MEI1: variants seen among roughly 807,000 people sequenced by gnomAD.
MEI1 encodes meiotic double-stranded break formation protein 1.
In MEI1, 103 loss-of-function variants were observed where a neutral mutation model predicts 146.2. That is an observed-to-expected ratio of 0.70 (90% CI 0.60 to 0.83). The LOEUF (loss-of-function observed/expected upper bound fraction) is 0.83, where lower values mean the gene tolerates loss of function less well. Ranked by LOEUF, MEI1 falls within the 40% of genes least tolerant of loss-of-function variation. The probability of loss-of-function intolerance (pLI) is 0.00; values close to 1 mark genes in which losing one functional copy is unlikely to be tolerated. For missense variants in MEI1, 1,529 were observed against 1,533.0 expected, an observed-to-expected ratio of 1.00 and a Z score of 0.04; for synonymous variants, 652 against 628.2, an observed-to-expected ratio of 1.04 and a Z score of -0.57.
Position 41,763,334 on chromosome 22 carries a change from A to G in MEI1, c.2268+13A>G, listed in dbSNP as rs778564853. ...TACACTACGTGAGGTATGGACCACAATGCCTGGGCTCCTTGTCCTTCTGTA... is the reference window on the plus strand; with the variant it reads ...TACACTACGTGAGGTATGGACCACAGTGCCTGGGCTCCTTGTCCTTCTGTA... On this transcript the variant is annotated intron_variant, in intron 19 of 30. Coordinates refer to ENST00000401548, the MANE Select transcript of MEI1 (RefSeq NM_152513.4). 2.5e-6 allele frequency: 4 copies of G among 1,612,808 alleles called. No individual in the cohort carries two copies. Among genetic ancestry groups the G allele is most frequent in the East Asian group, 2.2e-5 (1 of 44,856 alleles).
rs1336125669 is a variant in MEI1 at position 41,778,793 on chromosome 22, C to T, written c.2796C>T (p.Ala932=). ...NVSEQELDSV[A]MKLLHQVSKL... ...CAGAGCAAGAACTGGACAGCGTGGC[C>T]ATGAAGCTCCTTCACCAAGGTGCCC... is the stretch of plus-strand genomic sequence containing the variant. The change falls in exon 22 of 31, where the codon GCC becomes GCT. Residue 932 remains alanine, a synonymous_variant. Transcript: ENST00000401548. 6.2e-7 allele frequency: 1 copy of T among 1,604,990 alleles called. No individual in the cohort carries two copies. The highest frequency in any genetic ancestry group is 1.3e-5 in the African/African-American group (1 of 74,730).
chr22:41,794,141 G>A (rs2076285729), intron 27 of MEI1, among the ~76,000 whole-genome samples: 1 of 152,224 alleles, frequency 6.6e-6, no homozygotes, highest in African/African-American at 2.4e-5. Flanking sequence ...TTAAGTGGCA[G>A]AGCCCTTCTT....
At chr22:41,723,289 T>C (rs2071031331) in intron 6 of MEI1, among the ~76,000 whole-genome samples, 1 of 152,172 alleles carries the variant, frequency 6.6e-6, no homozygotes. Flanking sequence ...CTCAGTTCAC[T>C]GCAACCTGTG....
intron 11 of MEI1, among the ~76,000 whole-genome samples, chr22:41,740,454 T>C (rs1248058945): frequency 6.6e-6 from 1 of 152,018 alleles, no homozygotes; most frequent in Non-Finnish European, 1.5e-5. Context: ...AAAAAGAATT[T>C]AAAGAGGCCG....
At position 41,699,638 on chromosome 22, in the gene MEI1, C is replaced by A; in HGVS notation, c.100C>A (p.Arg34Ser). Reference sequence around the variant, plus strand: ...GAGGGCCCATTACCGGCACGACCCGCGCTGGCTGCTGCCCGTGACCCCCCG... The same window carrying A: ...GAGGGCCCATTACCGGCACGACCCGAGCTGGCTGCTGCCCGTGACCCCCCG... The part of the protein sequence containing the change: ...FERAHYRHDP[R>S]WLLPVTPRLC... Residue 34 changes from arginine (R) to serine (S), a missense_variant, in exon 1 of 31, where the codon CGC becomes AGC. Physicochemically the swap from Arg to Ser is moderately radical, Grantham distance 110. Coordinates refer to ENST00000401548, the MANE Select transcript of MEI1 (RefSeq NM_152513.4). 1.9e-6 allele frequency: 3 copies of A among 1,604,652 alleles called. No individual in the cohort carries two copies. Among genetic ancestry groups the A allele is most frequent in the Non-Finnish European group, 2.6e-6 (3 of 1,176,122 alleles).
At chr22:41,753,651 G>A (rs2073918703) in intron 16 of MEI1, 1 of 204,904 alleles carries the variant, frequency 4.9e-6, no homozygotes, top group Admixed American at 5.5e-5. Context: ...GGCTAATTTT[G>A]TATTTTTAGT....
intron 11 of MEI1, among the ~76,000 whole-genome samples, chr22:41,735,621 C>A (rs1255563508): frequency 6.6e-6 from 1 of 152,106 alleles, no homozygotes; most frequent in Non-Finnish European, 1.5e-5. Context: ...ATACAGAGGG[C>A]CAAATTATAC....
rs1569277472 is a variant in MEI1 at position 41,763,269 on chromosome 22, C to T, written c.2216C>T (p.Ala739Val). 1 of 1,613,856 alleles carries T rather than the reference C, an allele frequency of 6.2e-7. No individual in the cohort carries two copies. The highest frequency in any genetic ancestry group is 8.5e-7 in the Non-Finnish European group (1 of 1,179,898). ...CGCCCCCCACTGGTGGTCTTCAAAG[C>T]CTCCATCTATCTGCTTGCAATCTGC... ...GERPPLVVFK[A>V]SIYLLAICQD... The change falls in exon 19 of 31, where the codon GCC becomes GTC. Residue 739 changes from alanine (A) to valine (V), a missense_variant. Coordinates refer to ENST00000401548, the MANE Select transcript of MEI1 (RefSeq NM_152513.4).
chr22:41,731,675 G>C (rs868217459), intron 9 of MEI1, among the ~76,000 whole-genome samples: 63 of 152,250 alleles, frequency 4.1e-4, no homozygotes, highest in African/African-American at 1.5e-3. Flanking sequence ...ACCACATCTA[G>C]ATTTTTAGAG....
chr22:41,728,199 G>A (rs1038642931), intron 7 of MEI1, among the ~76,000 whole-genome samples: 1 of 152,176 alleles, frequency 6.6e-6, no homozygotes, highest in Non-Finnish European at 1.5e-5. Context: ...AGCCTGTGTT[G>A]TTCAAGGGTC....
At chr22:41,784,575 A>G (rs2075883158) in intron 25 of MEI1, 33 bp from the exon 26 acceptor site, 1 of 1,606,492 alleles carries the variant, frequency 6.2e-7, no homozygotes, top group Non-Finnish European at 8.5e-7. Flanking sequence ...GGAAGGAGAC[A>G]GGAATTGGGT....
intron 4 of MEI1, 132 bp from the exon 5 acceptor site, chr22:41,715,907 TAA>T: frequency 1.5e-6 from 1 of 650,596 alleles, no homozygotes; most frequent in South Asian, 1.9e-5. Context: ...GACACTAAGC[TAA>T]AAAAGCTGAT....
chr22:41,728,504 C>G (rs1414448534), intron 7 of MEI1, among the ~76,000 whole-genome samples: 2 of 152,140 alleles, frequency 1.3e-5, no homozygotes, highest in African/African-American at 4.8e-5. Flanking sequence ...TTAGGGAGGC[C>G]AAGGTGGGAG....
intron 6 of MEI1, 125 bp from the exon 7 acceptor site, chr22:41,723,818 C>G: frequency 1.6e-6 from 2 of 1,237,834 alleles, no homozygotes; most frequent in Non-Finnish European, 2.2e-6. Flanking sequence ...CTTAAGGATT[C>G]TAACCATTCT....
intron 11 of MEI1, among the ~76,000 whole-genome samples, chr22:41,742,836 G>T (rs147022817): frequency 6.6e-6 from 1 of 152,092 alleles, no homozygotes; most frequent in Non-Finnish European, 1.5e-5. Flanking sequence ...TGGAGACTGG[G>T]TTTCACCATG....
intron 15 of MEI1, among the ~76,000 whole-genome samples, chr22:41,748,653 C>A (rs1048214646): frequency 6.6e-6 from 1 of 152,116 alleles, no homozygotes; most frequent in African/African-American, 2.4e-5. Flanking sequence ...CTCATTTAGT[C>A]CTCAGAAAAA....
At chr22:41,756,963 C>G (rs1157829219) in intron 17 of MEI1, among the ~76,000 whole-genome samples, 1 of 152,266 alleles carries the variant, frequency 6.6e-6, no homozygotes, top group Admixed American at 6.5e-5. Flanking sequence ...CATCTATTCA[C>G]TGACTATCCA....
chr22:41,714,015 C>T lies in MEI1; in HGVS notation c.363C>T (p.Ile121=). Residue 121 remains isoleucine (I), a synonymous_variant, in exon 4 of 31, where the codon ATC becomes ATT. Transcript: ENST00000401548. Reference sequence around the variant, plus strand: ...GTGTCTGTTCAGTCCTTATTCAGATCACAACGCAGCTGAAGCTGGAGCAGA... The same window carrying T: ...GTGTCTGTTCAGTCCTTATTCAGATTACAACGCAGCTGAAGCTGGAGCAGA... The part of the protein sequence containing the change: ...TDLCIEVLIQ[I]TTQLKLEQTI... 6.3e-7 allele frequency: 1 copy of T among 1,592,528 alleles called. No homozygotes were observed. Among genetic ancestry groups the T allele is most frequent in the Non-Finnish European group, 8.6e-7 (1 of 1,169,414 alleles).
chr22:41,730,522 G>T lies in MEI1; in HGVS notation c.981G>T (p.Glu327Asp), dbSNP rs371108479. ...TTTTCTCATCCTCTCCCTTGTTAGA[G>T]TTCCTCTTTGAGCATCTTTCTTCTT... ...ASAFIHADIP[E>D]FLFEHLSSSS... Residue 327 changes from glutamate (E) to aspartate (D), a missense_variant and splice_region_variant, in exon 9 of 31, where the codon GAG (glutamate) becomes GAT (aspartate). Glu to Asp is a conservative substitution (Grantham distance 45, BLOSUM62 2). Transcript: ENST00000401548. 1.2e-6 allele frequency: 2 copies of T among 1,608,446 alleles called. No individual in the cohort carries two copies. Among genetic ancestry groups the T allele is most frequent in the Middle Eastern group, 3.3e-4 (2 of 6,052 alleles).
Sources: allele counts gnomAD v4.1 joint callset (sites outside exome capture counted in the v4.1 genomes callset), GRCh38; gene constraint gnomAD v4.1.1; transcripts MANE v1.5; gene names NCBI Gene and HGNC (gene_info 2026-07-23, HGNC 2026-07-21).